The following C5orf34 variants were observed in gnomAD, a reference collection of about 807,000 sequenced individuals.
C5orf34 encodes chromosome 5 open reading frame 34, also known as uncharacterized protein C5orf34.
A neutral mutation model predicts 78.4 loss-of-function variants in C5orf34; 73 were observed. The ratio of observed to expected loss-of-function variants is 0.93; its 90% CI spans 0.77 to 1.13. The LOEUF (loss-of-function observed/expected upper bound fraction) is 1.13. Ranked by LOEUF, C5orf34 falls within the 50% of genes most tolerant of loss-of-function variation. The pLI is 0.00. For synonymous variants in C5orf34, 251 were observed against 246.6 expected, an observed-to-expected ratio of 1.02 and a Z score of -0.17; for missense variants, 730 against 732.7, an observed-to-expected ratio of 1.00 and a Z score of 0.04.
At chr5:43,505,362 C>T (rs577036882) in intron 4 of C5orf34, among the ~76,000 whole-genome samples, 4 of 152,210 alleles carry the variant, frequency 2.6e-5, no homozygotes, top group South Asian at 2.1e-4. Context: ...CTCCAGTGAG[C>T]GGCAGCAGGT....
chr5:43,494,382 A>G (rs745366619), intron 7 of C5orf34, 128 bp downstream of exon 7: 5 of 500,222 alleles, frequency 1.0e-5, no homozygotes, highest in Non-Finnish European at 1.7e-5. Context: ...AAAAAAGTTG[A>G]CAAATTTTAC....
intron 1 of C5orf34, among the ~76,000 whole-genome samples, chr5:43,513,586 T>C (rs1746364513): frequency 6.6e-6 from 1 of 152,212 alleles, no homozygotes; most frequent in African/African-American, 2.4e-5. Flanking sequence ...CCTATCTACC[T>C]CTCCCAATGT....
rs1257850953 is a variant in C5orf34 at position 43,487,919 on chromosome 5, C to A, written c.1710G>T (p.Gln570His). Residue 570 changes from glutamine to histidine, a missense_variant, in exon 12 of 13, where the codon CAG (glutamine) becomes CAT (histidine). Transcript: ENST00000306862. Reference protein sequence around the residue: ...WSVASELEKIQKFNLLLENSG... With the variant: ...WSVASELEKIHKFNLLLENSG... The stretch of plus-strand genomic sequence containing the variant: ...CTGTTTAAAGGATACAGTTAAACTT[C>A]TGTATCTTTTCAAGTTCAGAAGCAA... The A allele has an allele frequency of 6.2e-7, 1 of 1,604,708 alleles. No individual in the cohort carries two copies. Among genetic ancestry groups the A allele is most frequent in the South Asian group, 1.1e-5 (1 of 90,118 alleles).
intron 1 of C5orf34, among the ~76,000 whole-genome samples, chr5:43,509,792 G>A (rs1404963567): frequency 1.3e-5 from 2 of 151,778 alleles, no homozygotes; most frequent in African/African-American, 4.8e-5. Context: ...GTCTCGCTCT[G>A]TCATCCAGGC....
intron 8 of C5orf34, 62 bp downstream of exon 8, chr5:43,493,481 G>GTC: frequency 1.0e-6 from 1 of 978,446 alleles, no homozygotes; most frequent in Non-Finnish European, 1.6e-6. Flanking sequence ...GAACTCAGAA[G>GTC]TATGGATATA....
chr5:43,513,935 G>A (rs765059559), intron 1 of C5orf34, among the ~76,000 whole-genome samples: 7 of 152,052 alleles, frequency 4.6e-5, no homozygotes, highest in Admixed American at 1.3e-4. Context: ...ACCGAAGCAG[G>A]GGCCTTATCT....
At chr5:43,488,102 A>G (rs936626354) in intron 11 of C5orf34, 153 bp from the exon 12 acceptor site, 1 of 613,842 alleles carries the variant, frequency 1.6e-6, no homozygotes, top group Non-Finnish European at 2.8e-6. Flanking sequence ...TTAGCAACAA[A>G]TCAACTTGAC....
At chr5:43,510,397 G>A (rs1308396223) in intron 1 of C5orf34, among the ~76,000 whole-genome samples, 1 of 152,138 alleles carries the variant, frequency 6.6e-6, no homozygotes, top group Non-Finnish European at 1.5e-5. Flanking sequence ...ATACAGCAGT[G>A]ACAGAAGGGG....
At chr5:43,496,712 T>C (rs1430609628) in intron 6 of C5orf34, among the ~76,000 whole-genome samples, 3 of 150,388 alleles carry the variant, frequency 2.0e-5, no homozygotes, top group Non-Finnish European at 4.4e-5. Context: ...GCCTCCCAAG[T>C]AGCCAGGACC....
intron 4 of C5orf34, among the ~76,000 whole-genome samples, chr5:43,505,117 TGTTA>T (rs1321624798): frequency 4.6e-5 from 7 of 152,260 alleles, no homozygotes; most frequent in Admixed American, 3.9e-4. Flanking sequence ...GTTTTGTAAG[TGTTA>T]GTTTTTATCA....
chr5:43,493,755 A>C lies in C5orf34; in HGVS notation c.1245-143T>G, dbSNP rs1745383814. On this transcript the variant is annotated intron_variant, in intron 7 of 12. Coordinates refer to ENST00000306862, the MANE Select transcript of C5orf34 (RefSeq NM_198566.4). ...TGTTGGGAACTCTTTTTTTCTCCAG[A>C]AATCCTTAAGCCCCTAGAAGGGAAA... is the stretch of plus-strand genomic sequence containing the variant. 7 of 559,468 alleles carry C rather than the reference A, an allele frequency of 1.3e-5. No homozygotes were observed. In the South Asian group the frequency reaches 1.6e-4, roughly 13 times the overall value. The allele number at this position is 559,468 out of a possible 1,614,324, so 34.7% of individuals were successfully genotyped here.
Position 43,490,729 on chromosome 5 carries a change from T to C in C5orf34, c.1581A>G (p.Arg527=), listed in dbSNP as rs1745248813. The C allele has an allele frequency of 4.6e-6, 7 of 1,518,796 alleles. No homozygotes were observed. The highest frequency in any genetic ancestry group is 6.4e-6 in the Non-Finnish European group (7 of 1,096,062). 94.1% of individuals were successfully genotyped at this position (1,518,796 alleles called of 1,614,324 possible). Reference sequence around the variant, plus strand: ...ACCATGATGTTACTGTTGTCACATATCTAAAGTGAATACATTAAAAGAAAT... The same window carrying C: ...ACCATGATGTTACTGTTGTCACATACCTAAAGTGAATACATTAAAAGAAAT... ...IQIEHPEPYE[R]YVTTVTSWCR... is the part of the protein sequence containing the mutation. The change falls in exon 11 of 13, where the codon AGA becomes AGG. Residue 527 remains arginine (R), a splice_region_variant and synonymous_variant. Coordinates refer to ENST00000306862, the MANE Select transcript of C5orf34 (RefSeq NM_198566.4).
rs141264134 is a variant in C5orf34, at chr5:43,490,670, A to C, written c.1640T>G (p.Met547Arg). ...AACAGAAGATGACGAATGAGTGGGC[A>C]TCTCTCTGGGACTAGTCTGGGTCAG... is the stretch of plus-strand genomic sequence containing the variant. Reference protein sequence around the residue: ...RRLTQTSPREMPTHSSSSVLQ... With the variant: ...RRLTQTSPRERPTHSSSSVLQ... The change falls in exon 11 of 13, where the codon ATG becomes AGG. Residue 547 changes from methionine (M) to arginine (R), a missense_variant. By Grantham distance (91) the Met-to-Arg change is moderately conservative. Transcript: ENST00000306862. The C allele has an allele frequency of 1.5e-4, 240 of 1,611,786 alleles. No homozygotes were observed. The highest frequency in any genetic ancestry group is 1.9e-4 in the Non-Finnish European group (226 of 1,178,132).
chr5:43,490,833 G>GA, intron 10 of C5orf34, 104 bp from the exon 11 acceptor site: 1 of 621,108 alleles, frequency 1.6e-6, no homozygotes, highest in Non-Finnish European at 2.7e-6. Context: ...AAAGGATAAA[G>GA]AAAAAATGTT....
intron 6 of C5orf34, among the ~76,000 whole-genome samples, chr5:43,498,478 GA>G (rs879692951): frequency 6.6e-6 from 1 of 151,438 alleles, no homozygotes; most frequent in African/African-American, 2.4e-5. Flanking sequence ...AGGCGCAAAA[GA>G]AAAAAAAGCC....
At chr5:43,510,683 T>C (rs1257106108) in intron 1 of C5orf34, among the ~76,000 whole-genome samples, 1 of 152,244 alleles carries the variant, frequency 6.6e-6, no homozygotes, top group African/African-American at 2.4e-5. Context: ...CCGCGAGTGA[T>C]CTGCCAGCCT....
intron 1 of C5orf34, 103 bp from the exon 2 acceptor site, chr5:43,509,478 G>T: frequency 1.6e-6 from 1 of 620,414 alleles, no homozygotes; most frequent in South Asian, 2.6e-5. Flanking sequence ...CATTGCCATT[G>T]CATTTACTTT....
At chr5:43,493,739 C>G (rs1745383046) in intron 7 of C5orf34, 127 bp from the exon 8 acceptor site, 5 of 565,920 alleles carry the variant, frequency 8.8e-6, no homozygotes, top group Non-Finnish European at 1.6e-5. Context: ...GTGTTGGGAA[C>G]TCTTTTTTTC....
chr5:43,493,264 G>C (rs1480489269), intron 8 of C5orf34, among the ~76,000 whole-genome samples: 1 of 151,604 alleles, frequency 6.6e-6, no homozygotes, highest in Non-Finnish European at 1.5e-5. Flanking sequence ...ATAATATCAT[G>C]GTTTATAATG....
Sources: gnomAD v4.1 joint callset for allele counts (sites outside exome capture counted in the v4.1 genomes callset) on GRCh38, gnomAD v4.1.1 for gene constraint, MANE v1.5 for transcripts, NCBI Gene and HGNC (gene_info 2026-07-23, HGNC 2026-07-21) for gene names.